Variants in ADAMTS3 observed in about 807,000 individuals in gnomAD.
The protein encoded by ADAMTS3 is ADAM metallopeptidase with thrombospondin type 1 motif 3, also known as A disintegrin and metalloproteinase with thrombospondin motifs 3.
Under a neutral mutation model 129.0 loss-of-function variants are expected in ADAMTS3, and 73 were observed. The observed-to-expected ratio is 0.57, with a 90% confidence interval of 0.47 to 0.69. ADAMTS3 has a LOEUF of 0.69. Among genes scored for constraint, ADAMTS3 ranks in the 30% least tolerant of loss-of-function variants. The probability of loss-of-function intolerance (pLI) is 0.00; values close to 1 mark genes in which losing one functional copy is unlikely to be tolerated. For missense variants in ADAMTS3, 1,457 were observed against 1,514.5 expected (o/e 0.96, Z 0.63); for synonymous variants, 477 against 510.8 (o/e 0.93, Z 0.89).
intron 4 of ADAMTS3, among the ~76,000 whole-genome samples, chr4:72,352,806 G>A (rs552071071): frequency 2.6e-5 from 4 of 152,070 alleles, no homozygotes; most frequent in African/African-American, 9.6e-5. Flanking sequence ...CATAATGCAC[G>A]CAGAAAGACT....
At chr4:72,319,798 TG>T (rs1719504753) in intron 8 of ADAMTS3, 59 bp downstream of exon 8, 1 of 1,353,268 alleles carries the variant, frequency 7.4e-7, no homozygotes, top group Non-Finnish European at 1.1e-6. Flanking sequence ...GAAACAATAC[TG>T]GGAGAAGCAG....
chr4:72,486,615 G>A (rs79424179), intron 3 of ADAMTS3, among the ~76,000 whole-genome samples: 9 of 152,030 alleles, frequency 5.9e-5, no homozygotes, highest in African/African-American at 1.9e-4. Flanking sequence ...AAATAGGCAG[G>A]TTTCTGATAA....
chr4:72,499,784 C>G (rs1719964538), intron 3 of ADAMTS3, among the ~76,000 whole-genome samples: 1 of 152,052 alleles, frequency 6.6e-6, no homozygotes, highest in African/African-American at 2.4e-5. Context: ...CCTAGCTCCC[C>G]ACTGTAGTGG....
chr4:72,291,494 T>C (rs921031142), intron 19 of ADAMTS3, among the ~76,000 whole-genome samples: 1 of 147,870 alleles, frequency 6.8e-6, no homozygotes, highest in East Asian at 2.1e-4. Flanking sequence ...AGTGAGAACA[T>C]GCGGTGTTTC....
At position 72,386,349 on chromosome 4, in the gene ADAMTS3, T is replaced by C. The variant is rs563103516; in HGVS notation, c.661+28466A>G. ...ATACACTCTTATTTTTAAAAGCACA[T>C]TTCATCCATCTGTGTCACTCTAGCA... On this transcript the variant is annotated intron_variant, in intron 4 of 21. Transcript: ENST00000286657. Among the ~76,000 whole-genome samples the C allele has an allele frequency of 2.6e-5, 4 of 152,264 alleles. No individual in the cohort carries two copies. The East Asian group carries it at 5.8e-4, about 22-fold the overall frequency.
At chr4:72,469,299 C>T (rs1485376043) in intron 3 of ADAMTS3, among the ~76,000 whole-genome samples, 1 of 152,044 alleles carries the variant, frequency 6.6e-6, no homozygotes, top group Non-Finnish European at 1.5e-5. Context: ...TGGTAGTATT[C>T]CATGGGTTGG....
intron 11 of ADAMTS3, among the ~76,000 whole-genome samples, chr4:72,315,388 T>C (rs1719363517): frequency 6.6e-6 from 1 of 152,164 alleles, no homozygotes; most frequent in African/African-American, 2.4e-5. Flanking sequence ...TGCTGTTACA[T>C]GTATCCTTAT....
intron 4 of ADAMTS3, among the ~76,000 whole-genome samples, chr4:72,391,107 T>A (rs1721582152): frequency 6.6e-6 from 1 of 152,032 alleles, no homozygotes; most frequent in African/African-American, 2.4e-5. Flanking sequence ...GTAACATCAC[T>A]GAAATGGGGC....
chr4:72,332,509 C>G (rs894507401), intron 5 of ADAMTS3, among the ~76,000 whole-genome samples: 3 of 152,154 alleles, frequency 2.0e-5, no homozygotes, highest in Admixed American at 6.6e-5. Flanking sequence ...AAGTCCAAGA[C>G]TGTTTCTTTG....
chr4:72,295,477 A>C (rs576839549), intron 19 of ADAMTS3, among the ~76,000 whole-genome samples, 177 bp downstream of exon 19: 1 of 152,226 alleles, frequency 6.6e-6, no homozygotes, highest in South Asian at 2.1e-4. Flanking sequence ...TTGAGGAACA[A>C]GAATGTGGTG....
chr4:72,398,373 A>G (rs763446641), intron 4 of ADAMTS3, among the ~76,000 whole-genome samples: 1 of 152,138 alleles, frequency 6.6e-6, no homozygotes, highest in Non-Finnish European at 1.5e-5. Context: ...CCTGGCCAAC[A>G]TGGAGAAACC....
At chr4:72,340,099 C>T (rs1479787073) in intron 4 of ADAMTS3, among the ~76,000 whole-genome samples, 2 of 152,012 alleles carry the variant, frequency 1.3e-5, no homozygotes. Context: ...GATTAAGTTC[C>T]TGTAGCCATG....
chr4:72,469,472 A>C (rs980166233), intron 3 of ADAMTS3, among the ~76,000 whole-genome samples: 2 of 152,140 alleles, frequency 1.3e-5, no homozygotes, highest in African/African-American at 4.8e-5. Flanking sequence ...AAAGGGGTTA[A>C]CATGTGAGTA....
At chr4:72,359,105 AAC>A (rs1268785471) in intron 4 of ADAMTS3, among the ~76,000 whole-genome samples, 4 of 152,042 alleles carry the variant, frequency 2.6e-5, no homozygotes, top group Non-Finnish European at 5.9e-5. Flanking sequence ...TAAAACTCAG[AAC>A]ATTCAGATTG....
intron 4 of ADAMTS3, among the ~76,000 whole-genome samples, chr4:72,357,441 A>G (rs900802787): frequency 3.3e-5 from 5 of 151,988 alleles, no homozygotes; most frequent in Non-Finnish European, 7.4e-5. Flanking sequence ...AAGAAATAAA[A>G]AGAACAAATT....
intron 3 of ADAMTS3, among the ~76,000 whole-genome samples, chr4:72,508,721 G>A (rs573673027): frequency 2.6e-5 from 4 of 151,970 alleles, no homozygotes; most frequent in South Asian, 2.1e-4. Flanking sequence ...CAAAAAATAC[G>A]TACTGTATAA....
intron 3 of ADAMTS3, among the ~76,000 whole-genome samples, chr4:72,510,117 A>G (rs1276702733): frequency 6.6e-6 from 1 of 151,986 alleles, no homozygotes; most frequent in African/African-American, 2.4e-5. Flanking sequence ...AAGAAGGAAC[A>G]TGCCTCAACA....
intron 3 of ADAMTS3, among the ~76,000 whole-genome samples, chr4:72,471,372 C>T (rs537219414): frequency 2.2e-4 from 33 of 151,774 alleles, no homozygotes; most frequent in Non-Finnish European, 4.0e-4. Flanking sequence ...CATAAAATTA[C>T]AAAAAGTGCA....
chr4:72,446,981 T>C (rs1054968344), intron 3 of ADAMTS3, among the ~76,000 whole-genome samples: 9 of 151,718 alleles, frequency 5.9e-5, no homozygotes, highest in Non-Finnish European at 1.2e-4. Context: ...ATGATCTTAA[T>C]AGGTTAAACA....
Sources: allele counts gnomAD v4.1 joint callset (sites outside exome capture counted in the v4.1 genomes callset), GRCh38; gene constraint gnomAD v4.1.1; transcripts MANE v1.5; gene names NCBI Gene and HGNC (gene_info 2026-07-23, HGNC 2026-07-21).